MPP7: variants seen among roughly 807,000 people sequenced by gnomAD.
MPP7 encodes the protein MAGUK p55 subfamily member 7.
A neutral mutation model predicts 76.5 loss-of-function variants in MPP7; 60 were observed. The observed-to-expected ratio is 0.78, with a 90% CI of 0.64 to 0.97. MPP7 has a LOEUF of 0.97. MPP7 is among the 50% of genes least tolerant of loss of function. The pLI is 0.00. For synonymous variants in MPP7, 237 were observed against 244.5 expected (o/e 0.97, Z 0.29); for missense variants, 641 against 694.0 (o/e 0.92, Z 0.86).
intron 12 of MPP7, among the ~76,000 whole-genome samples, chr10:28,088,470 C>T (rs960403751): frequency 6.6e-6 from 1 of 152,156 alleles, no homozygotes; most frequent in Non-Finnish European, 1.5e-5. Context: ...CTCTCCCCTG[C>T]TGCCATGTGA....
chr10:28,197,099 T>C (rs1235540838), intron 3 of MPP7, among the ~76,000 whole-genome samples: 1 of 151,596 alleles, frequency 6.6e-6, no homozygotes, highest in Non-Finnish European at 1.5e-5. Context: ...CGCTCTTGCC[T>C]CCAGGTGTTC....
intron 3 of MPP7, among the ~76,000 whole-genome samples, chr10:28,155,598 C>CAAAAAAAAAAAAA (rs71391013): frequency 2.1e-4 from 26 of 124,524 alleles, no homozygotes; most frequent in African/African-American, 5.6e-4. Flanking sequence ...ACCCTGTCTC[C>CAAAAAAAAAAAAA]AAAAAAAAAA....
At chr10:28,253,154 C>T (rs1170090505) in intron 1 of MPP7, among the ~76,000 whole-genome samples, 1 of 152,216 alleles carries the variant, frequency 6.6e-6, no homozygotes, top group East Asian at 1.9e-4. Context: ...GATCTACCCT[C>T]CTCGGCTTCC....
At chr10:28,082,495 C>T (rs1037086929) in intron 12 of MPP7, among the ~76,000 whole-genome samples, 1 of 151,846 alleles carries the variant, frequency 6.6e-6, no homozygotes, top group Non-Finnish European at 1.5e-5. Flanking sequence ...GACTCTGTTG[C>T]CCAGCCCAGA....
chr10:28,063,172 A>T (rs554195697), intron 13 of MPP7, among the ~76,000 whole-genome samples: 1 of 152,276 alleles, frequency 6.6e-6, no homozygotes, highest in Admixed American at 6.5e-5. Flanking sequence ...TCCAGTTTTT[A>T]AAAATGGGCC....
At chr10:28,280,333 C>T (rs968446287) in intron 1 of MPP7, among the ~76,000 whole-genome samples, 2 of 152,022 alleles carry the variant, frequency 1.3e-5, no homozygotes, top group Non-Finnish European at 2.9e-5. Flanking sequence ...CTGTGCATAT[C>T]CTCCTGCACA....
At chr10:28,089,911 CCT>C (rs1022126869) in intron 11 of MPP7, 70 bp from the exon 12 acceptor site, 1 of 823,704 alleles carries the variant, frequency 1.2e-6, no homozygotes, top group Non-Finnish European at 1.8e-6. Flanking sequence ...AAAAAAAAAC[CCT>C]CAGAGTTGGG....
At chr10:28,247,822 G>T (rs1839486960) in intron 1 of MPP7, among the ~76,000 whole-genome samples, 1 of 152,178 alleles carries the variant, frequency 6.6e-6, no homozygotes, top group African/African-American at 2.4e-5. Context: ...TTTGAAGTCA[G>T]CTATACCCAA....
intron 12 of MPP7, among the ~76,000 whole-genome samples, chr10:28,086,800 G>T (rs1334379881): frequency 6.6e-6 from 1 of 152,034 alleles, no homozygotes; most frequent in African/African-American, 2.4e-5. Flanking sequence ...ACTATATCGG[G>T]GAAAGCCCAC....
At chr10:28,074,656 C>T (rs947849256) in intron 12 of MPP7, among the ~76,000 whole-genome samples, 2 of 152,176 alleles carry the variant, frequency 1.3e-5, no homozygotes, top group Non-Finnish European at 2.9e-5. Flanking sequence ...TTAGAGATTG[C>T]TCTCCCTGAA....
At chr10:28,331,543 A>T (rs1834469857) in intron 1 of MPP7, among the ~76,000 whole-genome samples, 2 of 152,120 alleles carry the variant, frequency 1.3e-5, no homozygotes. Flanking sequence ...TTTAAAAAGC[A>T]ATTTTCAGTT....
chr10:28,180,249 ACAAAT>A (rs992304044), intron 3 of MPP7, among the ~76,000 whole-genome samples: 14 of 152,208 alleles, frequency 9.2e-5, no homozygotes, highest in African/African-American at 3.4e-4. Flanking sequence ...GAAAGGAAAC[ACAAAT>A]CAAAAGTATC....
At chr10:28,325,859 C>T (rs536657763) in intron 2 of MPP7, among the ~76,000 whole-genome samples, 10 of 151,918 alleles carry the variant, frequency 6.6e-5, no homozygotes, top group African/African-American at 2.2e-4. Flanking sequence ...ACCTATAGTC[C>T]CAGCTACTCT....
chr10:28,186,612 G>T (rs1315275840), intron 3 of MPP7, among the ~76,000 whole-genome samples: 2 of 152,192 alleles, frequency 1.3e-5, no homozygotes, highest in Non-Finnish European at 2.9e-5. Context: ...GGGAATGTCA[G>T]GACCACACTG....
chr10:28,074,284 C>A (rs1011931927), intron 12 of MPP7, among the ~76,000 whole-genome samples: 28 of 145,026 alleles, frequency 1.9e-4, no homozygotes, highest in African/African-American at 7.1e-4. Flanking sequence ...CTAGAGCAAC[C>A]TTTTTTTTTT....
chr10:28,262,126 G>A (rs565871537), intron 1 of MPP7, among the ~76,000 whole-genome samples: 11 of 146,088 alleles, frequency 7.5e-5, no homozygotes, highest in African/African-American at 2.5e-4. Context: ...CTCCAGCCTG[G>A]GCGACAGAGC....
chr10:28,259,758 C>T (rs1042652485), intron 1 of MPP7, among the ~76,000 whole-genome samples: 3 of 152,014 alleles, frequency 2.0e-5, no homozygotes, highest in East Asian at 1.9e-4. Context: ...GTGGGAGAAT[C>T]GCTTGAGCCC....
intron 5 of MPP7, among the ~76,000 whole-genome samples, chr10:28,144,493 C>T (rs1486880994): frequency 6.6e-6 from 1 of 152,156 alleles, no homozygotes; most frequent in Non-Finnish European, 1.5e-5. Context: ...CAAACTCTCA[C>T]CCCTTCTTCC....
At chr10:28,171,750 G>A (rs1183292813) in intron 3 of MPP7, among the ~76,000 whole-genome samples, 1 of 152,166 alleles carries the variant, frequency 6.6e-6, no homozygotes, top group East Asian at 1.9e-4. Flanking sequence ...TGTAAATGTG[G>A]ATTATGGTAT....
Sources: allele counts gnomAD v4.1 joint callset (sites outside exome capture counted in the v4.1 genomes callset), GRCh38; gene constraint gnomAD v4.1.1; transcripts MANE v1.5; gene names NCBI Gene and HGNC (gene_info 2026-07-23, HGNC 2026-07-21).